Variants in ZSWIM8 observed in about 807,000 individuals in gnomAD.
The protein encoded by ZSWIM8 is zinc finger SWIM domain-containing protein 8.
ZSWIM8 carries 27 observed loss-of-function variants against 173.7 expected under a neutral mutation model. The observed-to-expected ratio is 0.16, with a 90% CI of 0.11 to 0.21. ZSWIM8 has a LOEUF of 0.21. Ranked by LOEUF, ZSWIM8 falls within the 10% of genes least tolerant of loss-of-function variation. ZSWIM8 has a pLI of 1.00. For missense variants in ZSWIM8, 1,627 were observed against 2,428.8 expected (o/e 0.67, Z 6.94); for synonymous variants, 958 against 962.0 (o/e 1.00, Z 0.08).
chr10:73,799,813 G>C (rs1455974728), intron 21 of ZSWIM8, 198 bp from the exon 22 acceptor site: 2 of 643,762 alleles, frequency 3.1e-6, no homozygotes, highest in African/African-American at 3.7e-5. Context: ...TTCTTGGGAG[G>C]CTGAGATGGG....
At chr10:73,793,766 A>AACTGCTCCCATGCCCCAC in intron 11 of ZSWIM8, 47 bp downstream of exon 11, 1 of 1,473,926 alleles carries the variant, frequency 6.8e-7, no homozygotes, top group Non-Finnish European at 9.1e-7. Flanking sequence ...CTTACCCCCA[A>AACTGCTCCCATGCCCCAC]CCTGCTCCCA....
rs2132630075 is a variant in ZSWIM8, at chr10:73,785,905, G to A, written c.27G>A (p.Glu9=). The change falls in exon 1 of 26, where the codon GAG becomes GAA. Residue 9 remains glutamate, a synonymous_variant. Transcript: ENST00000604729. ...TGGAGCTGATGTTTGCAGAGTGGGA[G>A]GACGGAGAGCGCTTCTCATTCGAGG... MELMFAEW[E]DGERFSFEDS... The A allele has an allele frequency of 1.9e-6, 3 of 1,549,116 alleles. No homozygotes were observed. The South Asian group carries it at 3.6e-5, about 19-fold the overall frequency.
intron 1 of ZSWIM8, among the ~76,000 whole-genome samples, chr10:73,787,457 G>A (rs1165799194): frequency 6.6e-6 from 1 of 152,174 alleles, no homozygotes; most frequent in African/African-American, 2.4e-5. Flanking sequence ...AAGTCATAGC[G>A]ATGAAGATTG....
At chr10:73,786,241 G>A in intron 1 of ZSWIM8, 155 bp downstream of exon 1, 2 of 854,212 alleles carry the variant, frequency 2.3e-6, no homozygotes, top group Non-Finnish European at 3.4e-6. Context: ...CCGACTGGGA[G>A]CTGTCCCAAG....
Position 73,801,433 on chromosome 10 carries a change from G to A in ZSWIM8, c.5419G>A (p.Asp1807Asn). The A allele has an allele frequency of 2.5e-6, 4 of 1,613,962 alleles. No homozygotes were observed. Among genetic ancestry groups the A allele is most frequent in the Non-Finnish European group, 3.4e-6 (4 of 1,179,878 alleles). The change falls in exon 26 of 26, where the codon GAC becomes AAC. Residue 1807 changes from aspartate to asparagine, a missense_variant. Asp to Asn is a conservative substitution (Grantham distance 23). This residue lies in a region of ZSWIM8 where 122 missense variants were observed against 196.1 expected (regional missense o/e 0.62). Transcript: ENST00000604729. The surrounding 1 kb of genome is among the most constrained non-coding windows in gnomAD (Gnocchi z 4.9). Reference sequence around the variant, plus strand: ...GCCCATGGGCATGATGCAGTTCAACGACATCCTACAGAACCTCAAGCGCAG... The same window carrying A: ...GCCCATGGGCATGATGCAGTTCAACAACATCCTACAGAACCTCAAGCGCAG... The part of the protein sequence containing the change: ...LTPMGMMQFN[D>N]ILQNLKRSKQ...
chr10:73,795,982 AAAGGC>A (rs2083630647), intron 15 of ZSWIM8, among the ~76,000 whole-genome samples: 1 of 150,634 alleles, frequency 6.6e-6, no homozygotes, highest in Non-Finnish European at 1.5e-5. Flanking sequence ...AAAAAAAAAA[AAAGGC>A]AAGGTACTGG....
chr10:73,791,454 C>T lies in ZSWIM8; in HGVS notation c.1274C>T (p.Thr425Ile), dbSNP rs752870191. The T allele has an allele frequency of 5.0e-6, 8 of 1,613,088 alleles. No individual in the cohort carries two copies. Among genetic ancestry groups the T allele is most frequent in the Non-Finnish European group, 6.8e-6 (8 of 1,179,260 alleles). ...GCCAGCATGTGTGACGAGATGGTCA[C>T]ACTGTGGAGGCTGGCCGTGCTGGAC... ...ACASMCDEMV[T>I]LWRLAVLDPA... The change falls in exon 9 of 26, where the codon ACA becomes ATA. Residue 425 changes from threonine (T) to isoleucine (I), a missense_variant. This residue lies in a region of ZSWIM8 where 103 missense variants were observed against 155.6 expected (regional missense o/e 0.66). Transcript: ENST00000604729. This position sits in a 1 kb window ranked among gnomAD's most constrained non-coding sequence, Gnocchi z 6.0.
At chr10:73,799,788 G>A (rs954387559) in intron 21 of ZSWIM8, 19 of 631,454 alleles carry the variant, frequency 3.0e-5, no homozygotes, top group Non-Finnish European at 5.2e-5. Flanking sequence ...CTGAGTGCAC[G>A]CCTGTAATCC....
In ZSWIM8 at chr10:73,800,795, C is replaced by T. The variant is rs201658494; in HGVS notation, c.5122+36C>T. ...CCCTCCCTAGGACCATTGCCCCCCC[C>T]CCACCTGCTCTCCCCACCTTCCTTA... is the stretch of plus-strand genomic sequence containing the variant. On this transcript the variant is annotated intron_variant, in intron 24 of 25. Coordinates refer to ENST00000604729, the MANE Select transcript of ZSWIM8 (RefSeq NM_001367799.1). This position sits in a 1 kb window ranked among gnomAD's most constrained non-coding sequence, Gnocchi z 4.1. 2.1e-5 allele frequency: 31 copies of T among 1,466,992 alleles called. No homozygotes were observed. The highest frequency in any genetic ancestry group is 5.6e-5 in the African/African-American group (4 of 72,056). The allele number at this position is 1,466,992 out of a possible 1,614,324, so 90.9% of individuals were successfully genotyped here.
rs1412999466 is a variant in ZSWIM8, at chr10:73,791,607, G to A, written c.1319+108G>A. On this transcript the variant is annotated intron_variant, in intron 9 of 25. Coordinates refer to ENST00000604729, the MANE Select transcript of ZSWIM8 (RefSeq NM_001367799.1). This position sits in a 1 kb window ranked among gnomAD's most constrained non-coding sequence, Gnocchi z 6.0. ...GACATACCATGATTTTAGTCCTCGG[G>A]AAACGGGAGGTGCTGAGCACTGGTG... 1.7e-5 allele frequency: 22 copies of A among 1,306,818 alleles called. No individual in the cohort carries two copies. Among genetic ancestry groups the A allele is most frequent in the Non-Finnish European group, 2.2e-5 (22 of 979,414 alleles). 81.0% of individuals were successfully genotyped at this position (1,306,818 alleles called of 1,614,324 possible).
In ZSWIM8 at chr10:73,800,134, A is replaced by C; in HGVS notation, c.4789A>C (p.Thr1597Pro). 1 of 1,613,556 alleles carries C rather than the reference A, an allele frequency of 6.2e-7. No homozygotes were observed. The highest frequency in any genetic ancestry group is 8.5e-7 in the Non-Finnish European group (1 of 1,179,776). ...ACCCATCACAGTACATCCCTACCAC[A>C]CAGAGCCAGGGCTTCCACTGCCCAC... Reference protein sequence around the residue: ...MAPITVHPYHTEPGLPLPTSV... With the variant: ...MAPITVHPYHPEPGLPLPTSV... Residue 1597 changes from threonine to proline, a missense_variant, in exon 22 of 26, where the codon ACA becomes CCA. This residue lies in a region of ZSWIM8 where 275 missense variants were observed against 290.1 expected (regional missense o/e 0.95). Coordinates refer to ENST00000604729, the MANE Select transcript of ZSWIM8 (RefSeq NM_001367799.1). The surrounding 1 kb of genome is among the most constrained non-coding windows in gnomAD (Gnocchi z 4.1).
In ZSWIM8 at chr10:73,794,348, A is replaced by G. The variant is rs372786461; in HGVS notation, c.2809+18A>G. On this transcript the variant is annotated intron_variant, in intron 13 of 25. Transcript: ENST00000604729. ...TGCTCCAGGTATGATGCCTGACCCTACAGTAAGTGGGGAACTGGGGTAGGG... is the reference window on the plus strand; with the variant it reads ...TGCTCCAGGTATGATGCCTGACCCTGCAGTAAGTGGGGAACTGGGGTAGGG... 40 of 1,611,150 alleles carry G rather than the reference A, an allele frequency of 2.5e-5. No individual in the cohort carries two copies. Among genetic ancestry groups the G allele is most frequent in the African/African-American group, 2.4e-4 (18 of 74,842 alleles).
intron 1 of ZSWIM8, among the ~76,000 whole-genome samples, chr10:73,788,168 T>A (rs1235252667): frequency 2.6e-5 from 4 of 151,012 alleles, no homozygotes; most frequent in Non-Finnish European, 1.5e-5. Flanking sequence ...CTTCTTGAGA[T>A]CCCTTCCGGG....
In ZSWIM8 at chr10:73,785,622, C is replaced by T. The variant is rs747894252; in HGVS notation, c.-257C>T. The T allele has an allele frequency of 1.4e-4, 78 of 564,804 alleles. No individual in the cohort carries two copies. Among genetic ancestry groups the T allele is most frequent in the Admixed American group, 7.7e-4 (33 of 42,774 alleles). 35.0% of individuals were successfully genotyped at this position (564,804 alleles called of 1,614,324 possible). On this transcript the variant is annotated 5_prime_UTR_variant, in exon 1 of 26. Coordinates refer to ENST00000604729, the MANE Select transcript of ZSWIM8 (RefSeq NM_001367799.1). ...CGGCTCCGCAGCCGCCTAGAGGCCC[C>T]AGCCGCCGAGCGCTTCGTCCCGGCC...
chr10:73,799,413 C>T lies in ZSWIM8; in HGVS notation c.4588C>T (p.Pro1530Ser), dbSNP rs569303277. The change falls in exon 21 of 26, where the codon CCA becomes TCA. Residue 1530 changes from proline (P) to serine (S), a missense_variant. Physicochemically the swap from Pro to Ser is moderately conservative, Grantham distance 74. This residue lies in a region of ZSWIM8 where 275 missense variants were observed against 290.1 expected (regional missense o/e 0.95). Transcript: ENST00000604729. ...CTGTAGCCCTCAGTATCTCACTCAC[C>T]CAGCTCACCCTGCCCACCCCATGCC... ...LPCSPQYLTHPAHPAHPMPHM... is the reference protein window; with the variant it reads ...LPCSPQYLTHSAHPAHPMPHM... 1 of 1,610,576 alleles carries T rather than the reference C, an allele frequency of 6.2e-7. No individual in the cohort carries two copies. Among genetic ancestry groups the T allele is most frequent in the Admixed American group, 1.7e-5 (1 of 59,644 alleles).
At chr10:73,793,072 G>C (rs1396429182) in intron 10 of ZSWIM8, among the ~76,000 whole-genome samples, 1 of 152,126 alleles carries the variant, frequency 6.6e-6, no homozygotes, top group Non-Finnish European at 1.5e-5. Context: ...CCCTTCAATG[G>C]GTTCCTGTTG....
At position 73,788,840 on chromosome 10, in the gene ZSWIM8, G is replaced by C. The variant is rs774887631; in HGVS notation, c.362+17G>C. On this transcript the variant is annotated intron_variant, in intron 2 of 25. Coordinates refer to ENST00000604729, the MANE Select transcript of ZSWIM8 (RefSeq NM_001367799.1). ...GGACATTCGGTGAGGCCAAAGGACT[G>C]ATGGTGGGGAGCGGGGTCCTGATAC... 1 of 1,612,710 alleles carries C rather than the reference G, an allele frequency of 6.2e-7. No homozygotes were observed. Among genetic ancestry groups the C allele is most frequent in the South Asian group, 1.1e-5 (1 of 91,002 alleles).
At chr10:73,793,224 C>G (rs2132708579) in intron 10 of ZSWIM8, among the ~76,000 whole-genome samples, 1 of 152,330 alleles carries the variant, frequency 6.6e-6, no homozygotes, top group African/African-American at 2.4e-5. Flanking sequence ...GCCATGCTCT[C>G]TCTCTTGCCT....
intron 15 of ZSWIM8, among the ~76,000 whole-genome samples, chr10:73,795,962 C>CAAA (rs34801762): frequency 1.0e-4 from 6 of 58,806 alleles, no homozygotes; most frequent in East Asian, 4.8e-4. Context: ...GACCCTGTTT[C>CAAA]AAAAAAAAAA....
Sources: allele counts gnomAD v4.1 joint callset (sites outside exome capture counted in the v4.1 genomes callset), GRCh38; gene constraint gnomAD v4.1.1; regional missense constraint gnomAD v4.1.1; non-coding constraint Gnocchi (gnomAD v3.1); transcripts MANE v1.5; gene names NCBI Gene and HGNC (gene_info 2026-07-23, HGNC 2026-07-21).